The following PACRG variants were observed in gnomAD, a reference collection of about 807,000 sequenced individuals.
PACRG encodes parkin coregulated.
A neutral mutation model predicts 29.7 loss-of-function variants in PACRG; 29 were observed. The observed-to-expected ratio is 0.98, with a 90% CI of 0.73 to 1.33. The LOEUF is 1.33. PACRG is among the 40% of genes most tolerant of loss of function. PACRG has a pLI of 0.00. For missense variants in PACRG, 279 were observed against 316.2 expected (o/e 0.88, Z 0.89); for synonymous variants, 116 against 118.7 (o/e 0.98, Z 0.15).
At chr6:163,301,095 T>TCCG (rs1170732535) in intron 4 of PACRG, among the ~76,000 whole-genome samples, 4 of 150,900 alleles carry the variant, frequency 2.7e-5, no homozygotes, top group Admixed American at 6.6e-5. Flanking sequence ...TAGGGCCACG[T>TCCG]CTGCTGCTTC....
chr6:163,295,357 C>G (rs1391764829), intron 4 of PACRG, among the ~76,000 whole-genome samples: 2 of 152,200 alleles, frequency 1.3e-5, no homozygotes, highest in African/African-American at 4.8e-5. Context: ...TAAGGAATTT[C>G]TGTGTTAATT....
At chr6:162,958,633 G>A (rs1014115156) in intron 2 of PACRG, among the ~76,000 whole-genome samples, 2 of 151,474 alleles carry the variant, frequency 1.3e-5, no homozygotes, top group African/African-American at 2.4e-5. Context: ...ACATTGACTT[G>A]ACACTAAGGA....
intron 4 of PACRG, among the ~76,000 whole-genome samples, chr6:163,306,959 T>A (rs1785215670): frequency 2.0e-5 from 3 of 152,228 alleles, no homozygotes; most frequent in African/African-American, 7.2e-5. Context: ...TGCCCATAGT[T>A]AAATAGCTAG....
chr6:162,855,095 C>T (rs904461103), intron 2 of PACRG, among the ~76,000 whole-genome samples: 4 of 152,248 alleles, frequency 2.6e-5, no homozygotes, highest in Non-Finnish European at 4.4e-5. Flanking sequence ...CCTTCGTTCA[C>T]TCCCAGCCCT....
chr6:163,003,401 T>C (rs891862870), intron 2 of PACRG, among the ~76,000 whole-genome samples: 2 of 152,130 alleles, frequency 1.3e-5, no homozygotes, highest in East Asian at 3.9e-4. Context: ...GCTTTACAAA[T>C]ATCTGTGAGG....
chr6:162,954,631 G>A (rs1037673624), intron 2 of PACRG, among the ~76,000 whole-genome samples: 3 of 151,970 alleles, frequency 2.0e-5, no homozygotes, highest in Admixed American at 1.3e-4. Flanking sequence ...CACCTTATTA[G>A]CATTCATTCA....
intron 4 of PACRG, among the ~76,000 whole-genome samples, chr6:163,280,311 C>A (rs946568963): frequency 1.3e-5 from 2 of 152,146 alleles, no homozygotes; most frequent in East Asian, 3.9e-4. Context: ...CCACAGTTCC[C>A]CAGTTGTGGC....
intron 1 of PACRG, among the ~76,000 whole-genome samples, chr6:162,740,807 G>A (rs1018965399): frequency 6.6e-6 from 1 of 151,500 alleles, no homozygotes; most frequent in African/African-American, 2.4e-5. Flanking sequence ...CACCATGTTA[G>A]CCAGGATGGT....
In PACRG at chr6:162,971,440, A is replaced by G. The variant is rs74730634; in HGVS notation, c.292-90710A>G. Among the ~76,000 whole-genome samples the G allele has an allele frequency of 3.3e-5, 5 of 152,318 alleles. No individual in the cohort carries two copies. In the East Asian group the frequency reaches 9.7e-4, roughly 29 times the overall value. Reference sequence around the variant, plus strand: ...TATGAAGATCTGTAAGTGAGCACTTACGGAGCTTCCTAAACACCTTGGGAG... The same window carrying G: ...TATGAAGATCTGTAAGTGAGCACTTGCGGAGCTTCCTAAACACCTTGGGAG... On this transcript the variant is annotated intron_variant, in intron 2 of 4. Transcript: ENST00000366888.
chr6:162,971,668 C>A (rs1414294028), intron 2 of PACRG, among the ~76,000 whole-genome samples: 1 of 152,148 alleles, frequency 6.6e-6, no homozygotes, highest in African/African-American at 2.4e-5. Context: ...AGGAAAGCAA[C>A]CTGTCTCTAA....
chr6:163,220,428 A>T (rs1379016407), intron 4 of PACRG, among the ~76,000 whole-genome samples: 1 of 152,060 alleles, frequency 6.6e-6, no homozygotes, highest in East Asian at 1.9e-4. Context: ...AGATTTGCAC[A>T]CGCCCTCTCT....
intron 2 of PACRG, among the ~76,000 whole-genome samples, chr6:162,933,481 C>T (rs377048553): frequency 2.0e-5 from 3 of 151,440 alleles, no homozygotes; most frequent in South Asian, 4.2e-4. Context: ...ATCTGTCTCT[C>T]TTTAGCTAAT....
At chr6:162,789,906 C>T (rs77936984) in intron 1 of PACRG, among the ~76,000 whole-genome samples, 1,900 of 152,186 alleles carry the variant, frequency 0.012, 34 homozygotes, top group African/African-American at 0.043. Flanking sequence ...TGATTTGAAT[C>T]ATGTCGTCCA....
chr6:163,190,628 C>CA (rs1285447304), intron 4 of PACRG: 1 of 154,014 alleles, frequency 6.5e-6, no homozygotes, highest in East Asian at 1.9e-4. Context: ...GATTGGACTG[C>CA]AATGGCCAAA....
At chr6:163,036,624 A>G (rs1808212154) in intron 2 of PACRG, among the ~76,000 whole-genome samples, 1 of 152,194 alleles carries the variant, frequency 6.6e-6, no homozygotes, top group South Asian at 2.1e-4. Context: ...CTCACTTGTG[A>G]ATCAAAAGGG....
At chr6:162,967,772 G>C (rs1205442627) in intron 2 of PACRG, among the ~76,000 whole-genome samples, 1 of 152,038 alleles carries the variant, frequency 6.6e-6, no homozygotes, top group Non-Finnish European at 1.5e-5. Context: ...CTCCCAACGT[G>C]CTAGGATTGA....
At chr6:163,032,866 G>A (rs1157435000) in intron 2 of PACRG, among the ~76,000 whole-genome samples, 1 of 152,054 alleles carries the variant, frequency 6.6e-6, no homozygotes, top group African/African-American at 2.4e-5. Context: ...ACAAATTTTT[G>A]TGAAAGAGCA....
chr6:163,024,505 A>T (rs1243393302), intron 2 of PACRG, among the ~76,000 whole-genome samples: 2 of 152,162 alleles, frequency 1.3e-5, no homozygotes, highest in Non-Finnish European at 2.9e-5. Flanking sequence ...AAGCTGGGCA[A>T]TATGGTGCCT....
At chr6:163,150,638 G>A (rs1778043593) in intron 4 of PACRG, among the ~76,000 whole-genome samples, 2 of 152,264 alleles carry the variant, frequency 1.3e-5, no homozygotes, top group South Asian at 2.1e-4. Context: ...AGGAAAACCC[G>A]TGGAATTATT....
Sources: gnomAD v4.1 joint callset for allele counts (sites outside exome capture counted in the v4.1 genomes callset) on GRCh38, gnomAD v4.1.1 for gene constraint, MANE v1.5 for transcripts, NCBI Gene and HGNC (gene_info 2026-07-23, HGNC 2026-07-21) for gene names.